The following COG2 variants were observed in gnomAD, a reference collection of about 807,000 sequenced individuals.
COG2 encodes component of oligomeric golgi complex 2.
In COG2, 52 loss-of-function variants were observed where a neutral mutation model predicts 90.6. The observed-to-expected ratio is 0.57, with a 90% CI of 0.46 to 0.72. The LOEUF (loss-of-function observed/expected upper bound fraction) is 0.72, where lower values mean the gene tolerates loss of function less well. Ranked by LOEUF, COG2 falls within the 30% of genes least tolerant of loss-of-function variation. The pLI, the probability that COG2 is intolerant of heterozygous loss-of-function variation, is 0.00. For missense variants in COG2, 829 were observed against 891.2 expected, an observed-to-expected ratio of 0.93 and a Z score of 0.89; for synonymous variants, 337 against 320.4, an observed-to-expected ratio of 1.05 and a Z score of -0.55.
At chr1:230,647,677 A>T (rs913688790) in intron 1 of COG2, among the ~76,000 whole-genome samples, 3 of 152,126 alleles carry the variant, frequency 2.0e-5, no homozygotes, top group African/African-American at 7.2e-5. Context: ...CAGATAGCAA[A>T]ATCTGCAAAT....
chr1:230,679,459 T>G (rs74822175), intron 10 of COG2: 1,933 of 154,902 alleles, frequency 0.012, 45 homozygotes, highest in African/African-American at 0.043. Context: ...TCGTCTGAGA[T>G]ACTTTTCCCC....
intron 1 of COG2, among the ~76,000 whole-genome samples, chr1:230,654,926 T>C (rs1662013517): frequency 6.6e-6 from 1 of 152,212 alleles, no homozygotes; most frequent in Non-Finnish European, 1.5e-5. Flanking sequence ...GGAATGCTTG[T>C]GATTTTTGCA....
chr1:230,652,870 G>A (rs1661947288), intron 1 of COG2, among the ~76,000 whole-genome samples: 1 of 152,070 alleles, frequency 6.6e-6, no homozygotes, highest in South Asian at 2.1e-4. Context: ...AGGTATGATT[G>A]TCAAATAAAA....
chr1:230,669,585 G>T (rs1280693430), intron 7 of COG2, 50 bp downstream of exon 7: 1 of 1,517,582 alleles, frequency 6.6e-7, no homozygotes, highest in South Asian at 1.2e-5. Flanking sequence ...TTCTGTCTTT[G>T]ACTCTTTACT....
At chr1:230,650,729 G>C (rs1661896516) in intron 1 of COG2, among the ~76,000 whole-genome samples, 1 of 151,964 alleles carries the variant, frequency 6.6e-6, no homozygotes, top group African/African-American at 2.4e-5. Flanking sequence ...TTTTGTTTTT[G>C]TTGCATCTGC....
chr1:230,657,270 A>G (rs1053626546), intron 1 of COG2, among the ~76,000 whole-genome samples: 3 of 152,168 alleles, frequency 2.0e-5, no homozygotes, highest in Non-Finnish European at 4.4e-5. Context: ...GGTGGTGACA[A>G]AATCTCTCAG....
chr1:230,671,908 T>C (rs1662458418), intron 8 of COG2, among the ~76,000 whole-genome samples: 1 of 152,228 alleles, frequency 6.6e-6, no homozygotes, highest in South Asian at 2.1e-4. Flanking sequence ...CTGCACTTTT[T>C]CCTAAATTTA....
At chr1:230,677,096 A>G (rs1662617907) in intron 9 of COG2, among the ~76,000 whole-genome samples, 1 of 151,818 alleles carries the variant, frequency 6.6e-6, no homozygotes, top group African/African-American at 2.4e-5. Context: ...CTTTTCTTTC[A>G]TTCCTCTATC....
intron 1 of COG2, among the ~76,000 whole-genome samples, chr1:230,647,904 G>T (rs898596645): frequency 6.6e-6 from 1 of 151,872 alleles, no homozygotes; most frequent in Non-Finnish European, 1.5e-5. Context: ...TGGAATGCTC[G>T]GATACAGAGG....
intron 12 of COG2, among the ~76,000 whole-genome samples, chr1:230,686,393 A>G (rs189668276): frequency 6.6e-6 from 1 of 152,260 alleles, no homozygotes; most frequent in Non-Finnish European, 1.5e-5. Context: ...TTCTCCGTTT[A>G]TCTCTAGTAG....
At chr1:230,658,937 C>T (rs1474416432) in intron 1 of COG2, among the ~76,000 whole-genome samples, 1 of 152,134 alleles carries the variant, frequency 6.6e-6, no homozygotes, top group Admixed American at 6.5e-5. Context: ...GTTTACATAA[C>T]AGCATGAATA....
At chr1:230,689,847 G>A in intron 15 of COG2, 167 bp from the exon 16 acceptor site, 5 of 606,646 alleles carry the variant, frequency 8.2e-6, no homozygotes, top group Non-Finnish European at 1.4e-5. Context: ...ATGTTCTCCA[G>A]GCAGCTTTCT....
At chr1:230,645,786 TC>T (rs1661756891) in intron 1 of COG2, among the ~76,000 whole-genome samples, 1 of 152,112 alleles carries the variant, frequency 6.6e-6, no homozygotes, top group African/African-American at 2.4e-5. Flanking sequence ...CACTGACAGA[TC>T]ATTCAGCATT....
intron 11 of COG2, 97 bp downstream of exon 11, chr1:230,683,732 T>TA (rs1165924006): frequency 2.3e-5 from 15 of 652,856 alleles, no homozygotes; most frequent in Non-Finnish European, 3.4e-5. Context: ...GTACTTTTAC[T>TA]GTTTTTTTTT....
chr1:230,689,033 C>T (rs1368798849), intron 15 of COG2, among the ~76,000 whole-genome samples: 1 of 151,876 alleles, frequency 6.6e-6, no homozygotes, highest in African/African-American at 2.4e-5. Flanking sequence ...AAAACTACAA[C>T]AATAAAAAAT....
At chr1:230,647,495 C>A (rs1661816686) in intron 1 of COG2, among the ~76,000 whole-genome samples, 1 of 152,212 alleles carries the variant, frequency 6.6e-6, no homozygotes, top group Admixed American at 6.5e-5. Flanking sequence ...GTGCAAATCG[C>A]TGGCCTCTGC....
At chr1:230,674,894 T>C in intron 8 of COG2, 104 bp from the exon 9 acceptor site, 1 of 867,948 alleles carries the variant, frequency 1.2e-6, no homozygotes, top group Non-Finnish European at 1.7e-6. Context: ...AAAGTTGAAA[T>C]AAGTTTTAGA....
At chr1:230,648,188 G>A (rs905878153) in intron 1 of COG2, among the ~76,000 whole-genome samples, 1 of 152,234 alleles carries the variant, frequency 6.6e-6, no homozygotes, top group Non-Finnish European at 1.5e-5. Flanking sequence ...GGACAAGATT[G>A]AGGGCCATCA....
chr1:230,672,083 T>TA (rs1412383365), intron 8 of COG2, among the ~76,000 whole-genome samples: 3 of 152,166 alleles, frequency 2.0e-5, no homozygotes, highest in African/African-American at 7.2e-5. Context: ...CTTTCATAAA[T>TA]ATCCCATTAC....
Sources: allele counts gnomAD v4.1 joint callset (sites outside exome capture counted in the v4.1 genomes callset), GRCh38; gene constraint gnomAD v4.1.1; transcripts MANE v1.5; gene names NCBI Gene and HGNC (gene_info 2026-07-23, HGNC 2026-07-21).